CCNY: variants seen among roughly 807,000 people sequenced by gnomAD.
CCNY encodes cyclin Y, also known as cyclin-Y.
Under a neutral mutation model 42.8 loss-of-function variants are expected in CCNY, and 19 were observed. That is an observed-to-expected ratio of 0.44 (90% confidence interval 0.31 to 0.65). CCNY has a LOEUF of 0.65. CCNY is among the 30% of genes least tolerant of loss of function. CCNY has a pLI of 0.07. For synonymous variants in CCNY, 165 were observed against 162.7 expected (o/e 1.01, Z -0.11); for missense variants, 370 against 437.3 (o/e 0.85, Z 1.37).
At chr10:35,292,561 A>G (rs941173636) in intron 3 of CCNY, among the ~76,000 whole-genome samples, 2 of 151,964 alleles carry the variant, frequency 1.3e-5, no homozygotes, top group Non-Finnish European at 2.9e-5. Context: ...GGGTTTCGCC[A>G]TGTTGGTCAG....
chr10:35,256,751 A>C (rs201369839), intron 3 of CCNY, among the ~76,000 whole-genome samples: 3 of 62,066 alleles, frequency 4.8e-5, no homozygotes, highest in African/African-American at 1.8e-4. Context: ...CATTAAAAAA[A>C]AAAAAAAAAA....
chr10:35,335,109 A>G (rs1465512278), upstream of CCNY, among the ~76,000 whole-genome samples: 1 of 141,286 alleles, frequency 7.1e-6, no homozygotes, highest in African/African-American at 2.7e-5. Context: ...CCTTCAGTAA[A>G]TATTTGGAAA....
chr10:35,380,541 A>G (rs1249845624), intron 1 of CCNY, among the ~76,000 whole-genome samples: 1 of 152,270 alleles, frequency 6.6e-6, no homozygotes, highest in Non-Finnish European at 1.5e-5. Context: ...AGATAATAGT[A>G]CGATGAGTCT....
chr10:35,331,609 A>C (rs975202699), upstream of CCNY, among the ~76,000 whole-genome samples: 24 of 152,188 alleles, frequency 1.6e-4, no homozygotes, highest in Non-Finnish European at 7.3e-5. Flanking sequence ...TTCTCGGCTA[A>C]GCTGGAACAT....
chr10:35,552,046 G>A (rs747898897), intron 7 of CCNY, among the ~76,000 whole-genome samples: 1 of 152,160 alleles, frequency 6.6e-6, no homozygotes, highest in East Asian at 1.9e-4. Flanking sequence ...TTAAAAGCAC[G>A]GATTCAAACA....
At chr10:35,301,672 G>A (rs1835535061) in intron 3 of CCNY, among the ~76,000 whole-genome samples, 1 of 152,108 alleles carries the variant, frequency 6.6e-6, no homozygotes, top group Admixed American at 6.5e-5. Flanking sequence ...CTGTCACCCA[G>A]GCCTGGAGAG....
chr10:35,350,857 A>G (rs555580671), intron 1 of CCNY, among the ~76,000 whole-genome samples: 1 of 152,334 alleles, frequency 6.6e-6, no homozygotes, highest in South Asian at 2.1e-4. Flanking sequence ...CAGCTTGCCT[A>G]GGTGAAGGAA....
chr10:35,404,693 A>G (rs1002809223), intron 1 of CCNY, among the ~76,000 whole-genome samples: 3 of 152,178 alleles, frequency 2.0e-5, no homozygotes, highest in African/African-American at 7.2e-5. Flanking sequence ...GTATCCAAAC[A>G]TGCCCAGGAA....
intron 1 of CCNY, among the ~76,000 whole-genome samples, chr10:35,461,289 G>T (rs1839152442): frequency 1.3e-5 from 2 of 152,208 alleles, no homozygotes; most frequent in Admixed American, 1.3e-4. Context: ...GGGGGAAAGA[G>T]ATTAGGTTCA....
intron 3 of CCNY, among the ~76,000 whole-genome samples, chr10:35,257,303 CTCTT>C (rs1317481406): frequency 2.9e-5 from 4 of 138,826 alleles, no homozygotes; most frequent in Non-Finnish European, 6.2e-5. Context: ...CTCTTTCTCT[CTCTT>C]TCTTTCTGTT....
intron 1 of CCNY, among the ~76,000 whole-genome samples, chr10:35,482,791 TGTGTGTGTG>T: frequency 6.9e-6 from 1 of 144,514 alleles, no homozygotes; most frequent in Admixed American, 7.0e-5. Context: ...TGTGTGTGTG[TGTGTGTGTG>T]TTATGTGTTT....
intron 1 of CCNY, among the ~76,000 whole-genome samples, chr10:35,465,614 A>G (rs1360236721): frequency 1.3e-5 from 2 of 151,914 alleles, no homozygotes; most frequent in African/African-American, 4.8e-5. Context: ...TTCCTTACCC[A>G]CAGCTTTTCT....
At chr10:35,539,479 C>CA (rs1451897638) in intron 7 of CCNY, among the ~76,000 whole-genome samples, 6 of 152,110 alleles carry the variant, frequency 3.9e-5, no homozygotes, top group Admixed American at 3.9e-4. Context: ...ACAAATCTGA[C>CA]ACTTCTTTTG....
At chr10:35,462,824 T>C (rs920921897) in intron 1 of CCNY, among the ~76,000 whole-genome samples, 5 of 152,246 alleles carry the variant, frequency 3.3e-5, no homozygotes, top group Non-Finnish European at 5.9e-5. Context: ...AGGAGGGCTC[T>C]TTCCATTGAG....
At chr10:35,435,532 T>C (rs1373334788) in intron 1 of CCNY, among the ~76,000 whole-genome samples, 1 of 152,208 alleles carries the variant, frequency 6.6e-6, no homozygotes, top group African/African-American at 2.4e-5. Context: ...GAGAGATGAT[T>C]TCTATACTAA....
In CCNY at chr10:35,519,776, C is replaced by CTTTTTTTTTTTTTTTTTTTT. The variant is rs1177122335; in HGVS notation, c.365+3159_365+3178dup. ...AAGTATCTTCTTTTTCTTTTCTTTT[C>CTTTTTTTTTTTTTTTTTTTT]TTTTTTTTTTTTTTTTTTTTTTTTT... On this transcript the variant is annotated intron_variant, in intron 4 of 9. Transcript: ENST00000374704. 7.8e-4 allele frequency among the ~76,000 whole-genome samples: 58 copies of CTTTTTTTTTTTTTTTTTTTT among 74,662 alleles called. 4 individuals carry two copies. Among genetic ancestry groups the CTTTTTTTTTTTTTTTTTTTT allele is most frequent in the Admixed American group, 1.1e-3 (6 of 5,260 alleles). 49.0% of individuals were successfully genotyped at this position (74,662 alleles called of 152,430 possible). A position where few individuals can be genotyped will look rare whatever the true frequency, so the allele number is the denominator to read the frequency against.
chr10:35,304,958 C>T (rs1398228745), intron 3 of CCNY, among the ~76,000 whole-genome samples: 1 of 152,216 alleles, frequency 6.6e-6, no homozygotes, highest in Non-Finnish European at 1.5e-5. Flanking sequence ...TAGTGATTCT[C>T]ATCACTGTTG....
intron 3 of CCNY, among the ~76,000 whole-genome samples, chr10:35,295,327 G>A (rs1835459062): frequency 6.6e-6 from 1 of 151,604 alleles, no homozygotes; most frequent in Non-Finnish European, 1.5e-5. Flanking sequence ...TGCCTCCCGG[G>A]TTCAAGCGAT....
chr10:35,306,825 C>T (rs1471943975), intron 3 of CCNY, among the ~76,000 whole-genome samples: 1 of 152,108 alleles, frequency 6.6e-6, no homozygotes, highest in Non-Finnish European at 1.5e-5. Context: ...TTAGGACGCT[C>T]TTTAAAGAAA....
Sources: gnomAD v4.1 joint callset for allele counts (sites outside exome capture counted in the v4.1 genomes callset) on GRCh38, gnomAD v4.1.1 for gene constraint, MANE v1.5 for transcripts, NCBI Gene and HGNC (gene_info 2026-07-23, HGNC 2026-07-21) for gene names.